The following ENOX1 variants were observed in gnomAD, a reference collection of about 807,000 sequenced individuals.
ENOX1 encodes the protein candidate growth-related and time keeping constitutive hydroquinone (NADH) oxidase.
Under a neutral mutation model 82.5 loss-of-function variants are expected in ENOX1, and 42 were observed. That is an observed-to-expected ratio of 0.51 (90% CI 0.40 to 0.66). The LOEUF (loss-of-function observed/expected upper bound fraction) is 0.66. Ranked by LOEUF, ENOX1 falls within the 30% of genes least tolerant of loss-of-function variation. ENOX1 has a pLI of 0.00. For missense variants in ENOX1, 608 were observed against 811.6 expected (o/e 0.75, Z 3.05); for synonymous variants, 271 against 282.2 (o/e 0.96, Z 0.40).
chr13:43,430,674 G>A (rs990965256), intron 3 of ENOX1, among the ~76,000 whole-genome samples: 1 of 152,216 alleles, frequency 6.6e-6, no homozygotes, highest in African/African-American at 2.4e-5. Context: ...CGCTCTTACA[G>A]TAAGTGGAGT....
intron 2 of ENOX1, among the ~76,000 whole-genome samples, chr13:43,564,726 C>T (rs1159519624): frequency 6.6e-6 from 1 of 152,108 alleles, no homozygotes; most frequent in African/African-American, 2.4e-5. Context: ...CAGCTATTAT[C>T]AGAGTAGTAT....
intron 16 of ENOX1, among the ~76,000 whole-genome samples, chr13:43,221,385 G>A (rs1424823843): frequency 6.6e-6 from 1 of 152,176 alleles, no homozygotes; most frequent in South Asian, 2.1e-4. Context: ...GATGGGCCCT[G>A]GGGCTGACAT....
At chr13:43,644,152 TATC>T (rs1436522721) in intron 2 of ENOX1, among the ~76,000 whole-genome samples, 3 of 152,214 alleles carry the variant, frequency 2.0e-5, no homozygotes, top group Non-Finnish European at 2.9e-5. Context: ...ACATGTGAGT[TATC>T]ATTATTTCTT....
At chr13:43,441,631 C>T (rs1034867065) in intron 3 of ENOX1, among the ~76,000 whole-genome samples, 2 of 152,154 alleles carry the variant, frequency 1.3e-5, no homozygotes, top group Non-Finnish European at 2.9e-5. Context: ...GCTCTCCCAC[C>T]TGGAGGTCCT....
chr13:43,615,707 G>A (rs990008579), intron 2 of ENOX1, among the ~76,000 whole-genome samples: 2 of 152,028 alleles, frequency 1.3e-5, no homozygotes, highest in South Asian at 4.2e-4. Flanking sequence ...TCCGTCATAT[G>A]CATCAGGCAT....
intron 8 of ENOX1, among the ~76,000 whole-genome samples, chr13:43,350,839 T>C (rs555636052): frequency 1.1e-4 from 16 of 152,140 alleles, no homozygotes; most frequent in Non-Finnish European, 1.8e-4. Flanking sequence ...GAGCACTGAA[T>C]ACGAAACTTA....
At chr13:43,233,060 T>C (rs2042361020) in intron 15 of ENOX1, among the ~76,000 whole-genome samples, 1 of 152,192 alleles carries the variant, frequency 6.6e-6, no homozygotes, top group Non-Finnish European at 1.5e-5. Context: ...AACTTCAGTG[T>C]ATGCCAATCC....
At chr13:43,637,754 C>A (rs2083467857) in intron 2 of ENOX1, among the ~76,000 whole-genome samples, 1 of 152,120 alleles carries the variant, frequency 6.6e-6, no homozygotes, top group African/African-American at 2.4e-5. Flanking sequence ...CTATTAAAAA[C>A]AGCTGTCCCA....
At chr13:43,762,854 T>A (rs762882390) in intron 1 of ENOX1, among the ~76,000 whole-genome samples, 3 of 152,244 alleles carry the variant, frequency 2.0e-5, no homozygotes, top group Non-Finnish European at 4.4e-5. Context: ...TTTCTATATT[T>A]GTTAATGTAA....
chr13:43,400,347 T>G (rs955899651), intron 5 of ENOX1, among the ~76,000 whole-genome samples: 1 of 152,186 alleles, frequency 6.6e-6, no homozygotes, highest in Non-Finnish European at 1.5e-5. Context: ...AGGAACTCCC[T>G]CCACCTGAGT....
At chr13:43,576,234 TTCAAAC>T (rs1371041689) in intron 2 of ENOX1, among the ~76,000 whole-genome samples, 1 of 152,152 alleles carries the variant, frequency 6.6e-6, no homozygotes, top group African/African-American at 2.4e-5. Context: ...ATTAAAGGGT[TTCAAAC>T]TGGGAGGGGA....
Position 43,230,242 on chromosome 13 carries a change from A to T in ENOX1, c.1715-6104T>A, listed in dbSNP as rs530218116. 3.9e-5 allele frequency among the ~76,000 whole-genome samples: 6 copies of T among 152,330 alleles called. No individual in the cohort carries two copies. The South Asian group carries it at 1.2e-3, about 32-fold the overall frequency. ...TAGAGGGAGTTGAGAAATTGGTGACATAAAATTCTCTGGTGATGTGGAAAA... is the reference window on the plus strand; with the variant it reads ...TAGAGGGAGTTGAGAAATTGGTGACTTAAAATTCTCTGGTGATGTGGAAAA... On this transcript the variant is annotated intron_variant, in intron 15 of 16. Coordinates refer to ENST00000690772, the MANE Select transcript of ENOX1 (RefSeq NM_001347969.2).
chr13:43,430,810 G>T (rs944273324), intron 3 of ENOX1, among the ~76,000 whole-genome samples: 4 of 152,172 alleles, frequency 2.6e-5, no homozygotes, highest in African/African-American at 9.7e-5. Context: ...ATTTACAAAA[G>T]TGTAGCAGTT....
At chr13:43,408,765 T>C (rs989183333) in intron 5 of ENOX1, among the ~76,000 whole-genome samples, 1 of 152,082 alleles carries the variant, frequency 6.6e-6, no homozygotes, top group African/African-American at 2.4e-5. Flanking sequence ...GAATAGATAT[T>C]TCAGAAATAG....
chr13:43,623,749 T>C (rs145618599), intron 2 of ENOX1, among the ~76,000 whole-genome samples: 162 of 152,288 alleles, frequency 1.1e-3, no homozygotes, highest in African/African-American at 3.8e-3. Context: ...CCATCTGCCA[T>C]GATGATCCCG....
At position 43,355,950 on chromosome 13, in the gene ENOX1, G is replaced by A. The variant is rs377518694; in HGVS notation, c.792C>T (p.His264=). 30 of 1,613,674 alleles carry A rather than the reference G, an allele frequency of 1.9e-5. No individual in the cohort carries two copies. Among genetic ancestry groups the A allele is most frequent in the Admixed American group, 3.3e-5 (2 of 60,000 alleles). Residue 264 remains histidine, a synonymous_variant, in exon 8 of 17, where the codon CAC becomes CAT. Coordinates refer to ENST00000690772, the MANE Select transcript of ENOX1 (RefSeq NM_001347969.2). The part of the protein sequence containing the change: ...SPPAIMHYSE[H]EAALLAEKLK... ...GCTTTTCAGCCAGCAGAGCGGCTTCGTGCTCCGAGTAGTGCATTATGGCAG... is the reference window on the plus strand; with the variant it reads ...GCTTTTCAGCCAGCAGAGCGGCTTCATGCTCCGAGTAGTGCATTATGGCAG...
chr13:43,761,662 C>T (rs76097639), intron 1 of ENOX1, among the ~76,000 whole-genome samples: 2,284 of 152,232 alleles, frequency 0.015, 53 homozygotes, highest in African/African-American at 0.05. Context: ...GTAGGTCCTC[C>T]TTCTTCGCCT....
At chr13:43,575,619 T>C (rs372862044) in intron 2 of ENOX1, among the ~76,000 whole-genome samples, 23 of 152,344 alleles carry the variant, frequency 1.5e-4, no homozygotes, top group African/African-American at 4.3e-4. Flanking sequence ...TAACACAAGA[T>C]GCTTTTATAT....
At chr13:43,687,137 T>C (rs750313138) in intron 1 of ENOX1, among the ~76,000 whole-genome samples, 2 of 152,234 alleles carry the variant, frequency 1.3e-5, no homozygotes, top group African/African-American at 2.4e-5. Context: ...AGATTTTAGG[T>C]GTCTGCCTTC....
Sources: gnomAD v4.1 joint callset for allele counts (sites outside exome capture counted in the v4.1 genomes callset) on GRCh38, gnomAD v4.1.1 for gene constraint, MANE v1.5 for transcripts, NCBI Gene and HGNC (gene_info 2026-07-23, HGNC 2026-07-21) for gene names.